TYRP1: variants seen among roughly 807,000 people sequenced by gnomAD.
TYRP1 encodes tyrosinase related protein 1.
Under a neutral mutation model 42.8 loss-of-function variants are expected in TYRP1, and 49 were observed. That is an observed-to-expected ratio of 1.14 (90% confidence interval 0.91 to 1.45). The LOEUF (loss-of-function observed/expected upper bound fraction) is 1.45. Ranked by LOEUF, TYRP1 falls within the 40% of genes most tolerant of loss-of-function variation. TYRP1 has a pLI of 0.00. For missense variants in TYRP1, 848 were observed against 662.0 expected, an observed-to-expected ratio of 1.28 and a Z score of -3.08; for synonymous variants, 279 against 235.4, an observed-to-expected ratio of 1.19 and a Z score of -1.69.
At position 12,694,292 on chromosome 9, in the gene TYRP1, G is replaced by A. The variant is rs758453301; in HGVS notation, c.296G>A (p.Cys99Tyr). 4 of 1,613,890 alleles carry A rather than the reference G, an allele frequency of 2.5e-6. No homozygotes were observed. Among genetic ancestry groups the A allele is most frequent in the African/African-American group, 1.3e-5 (1 of 74,928 alleles). The change falls in exon 2 of 8, where the codon TGT becomes TAT. Residue 99 changes from cysteine (C) to tyrosine (Y), a missense_variant. By Grantham distance (194) the Cys-to-Tyr change is radical (BLOSUM62 -2). Coordinates refer to ENST00000388918, the MANE Select transcript of TYRP1 (RefSeq NM_000550.3). ...CCCTTGCGCTTCTTCAATAGGACAT[G>A]TCACTGCAACGGCAATTTCTCAGGA... is the stretch of plus-strand genomic sequence containing the variant. ...VWPLRFFNRT[C>Y]HCNGNFSGHN...
chr9:12,710,265 CAG>C lies in TYRP1; in HGVS notation c.*1084_*1085del, dbSNP rs1176843398. 3 of 132,992 alleles carry C rather than the reference CAG, an allele frequency of 2.3e-5. No individual in the cohort carries two copies. Among genetic ancestry groups the C allele is most frequent in the Non-Finnish European group, 3.5e-5 (2 of 56,656 alleles). The allele number at this position is 132,992 out of a possible 1,614,324, so 8.2% of individuals were successfully genotyped here. A position where few individuals can be genotyped will look rare whatever the true frequency, so the allele number is the denominator to read the frequency against. On this transcript the variant is annotated 3_prime_UTR_variant, in exon 8 of 8. Coordinates refer to ENST00000388918, the MANE Select transcript of TYRP1 (RefSeq NM_000550.3). ...TAAAATTGGTAAAAATAAATAATAA[CAG>C]TAATAATCATGCACTATAGAAAATG...
At position 12,694,007 on chromosome 9, in the gene TYRP1, C is replaced by T. The variant is rs1347421158; in HGVS notation, c.11C>T (p.Pro4Leu). 3 of 1,613,816 alleles carry T rather than the reference C, an allele frequency of 1.9e-6. No individual in the cohort carries two copies. In the Admixed American group the frequency reaches 5.0e-5, roughly 27 times the overall value. MSA[P>L]KLLSLGCIFF... Reference sequence around the variant, plus strand: ...CTTATTTCAAGCAGAATGAGTGCTCCTAAACTCCTCTCTCTGGGCTGTATC... The same window carrying T: ...CTTATTTCAAGCAGAATGAGTGCTCTTAAACTCCTCTCTCTGGGCTGTATC... The change falls in exon 2 of 8, where the codon CCT becomes CTT. Residue 4 changes from proline (P) to leucine (L), a missense_variant. Physicochemically the swap from Pro to Leu is moderately conservative, Grantham distance 98. Coordinates refer to ENST00000388918, the MANE Select transcript of TYRP1 (RefSeq NM_000550.3).
rs141834891 is a variant in TYRP1, at chr9:12,694,063, C to T, written c.67C>T (p.Arg23Trp). The change falls in exon 2 of 8, where the codon CGG becomes TGG. Residue 23 changes from arginine to tryptophan, a missense_variant. By Grantham distance (101) the Arg-to-Trp change is moderately radical. Transcript: ENST00000388918. ...CCCCTTGCTACTTTTTCAGCAGGCC[C>T]GGGCTCAATTCCCAAGACAGTGTGC... ...FFPLLLFQQA[R>W]AQFPRQCATV... The T allele has an allele frequency of 7.6e-4, 1,230 of 1,613,952 alleles. 1 individual carries two copies. The highest frequency in any genetic ancestry group is 8.4e-4 in the Non-Finnish European group (992 of 1,180,002).
intron 5 of TYRP1, 89 bp from the exon 6 acceptor site, chr9:12,704,437 A>C: frequency 6.8e-7 from 1 of 1,471,952 alleles, no homozygotes; most frequent in South Asian, 1.2e-5. Flanking sequence ...GCCTTGAAAA[A>C]ATTGTTTCCC....
At chr9:12,698,740 C>A in intron 4 of TYRP1, 85 bp downstream of exon 4, 1 of 1,272,112 alleles carries the variant, frequency 7.9e-7, no homozygotes, top group Non-Finnish European at 1.1e-6. Flanking sequence ...CTTCATTCTA[C>A]TAGAGAATTC....
chr9:12,694,013 T>G lies in TYRP1; in HGVS notation c.17T>G (p.Leu6Arg). 6.2e-7 allele frequency: 1 copy of G among 1,613,974 alleles called. No individual in the cohort carries two copies. The highest frequency in any genetic ancestry group is 8.5e-7 in the Non-Finnish European group (1 of 1,179,990). The part of the protein sequence containing the change: MSAPK[L>R]LSLGCIFFPL... ...TCAAGCAGAATGAGTGCTCCTAAAC[T>G]CCTCTCTCTGGGCTGTATCTTCTTC... Residue 6 changes from leucine (L) to arginine (R), a missense_variant, in exon 2 of 8, where the codon CTC becomes CGC. Leu to Arg is a moderately radical substitution (Grantham distance 102, BLOSUM62 -2). Transcript: ENST00000388918.
chr9:12,704,762 A>ATAGT lies in TYRP1; in HGVS notation c.1261+60_1261+63dup. 7.8e-6 allele frequency: 12 copies of ATAGT among 1,542,948 alleles called. No individual in the cohort carries two copies. In the South Asian group the frequency reaches 1.1e-4, roughly 14 times the overall value. On this transcript the variant is annotated intron_variant, in intron 6 of 7. Transcript: ENST00000388918. ...CAGCTGGGCGGATTGTTTAGATGGC[A>ATAGT]TAGTTATCAGTTCAAGCTGAGCACT... is the stretch of plus-strand genomic sequence containing the variant.
chr9:12,695,724 ACT>A lies in TYRP1; in HGVS notation c.596_597del (p.Thr199IlefsTer11). ...VWTHYYSVKK[T>X]FLGVGQESFG... ...GACACACTATTACTCAGTCAAAAAG[ACT>A]TTCCTTGGGGTAGGACAGGAAAGCT... On this transcript the variant is annotated frameshift_variant, in exon 3 of 8. Coordinates refer to ENST00000388918, the MANE Select transcript of TYRP1 (RefSeq NM_000550.3). LOFTEE classifies it high-confidence loss of function. 1 of 1,614,164 alleles carries A rather than the reference ACT, an allele frequency of 6.2e-7. No homozygotes were observed.
intron 3 of TYRP1, among the ~76,000 whole-genome samples, chr9:12,698,250 A>G (rs369184101): frequency 1.6e-4 from 25 of 152,262 alleles, no homozygotes; most frequent in African/African-American, 5.3e-4. Context: ...TCTAATGCCT[A>G]AATGACACCT....
intron 4 of TYRP1, chr9:12,700,444 C>CCAT (rs1340882698): frequency 1.3e-5 from 2 of 152,016 alleles, no homozygotes; most frequent in Admixed American, 6.6e-5. Flanking sequence ...CACCAAAATA[C>CCAT]CATCTTTGAA....
chr9:12,701,533 A>G (rs1364588183), intron 4 of TYRP1: 1 of 151,814 alleles, frequency 6.6e-6, no homozygotes, highest in African/African-American at 2.4e-5. Flanking sequence ...TGTAAAATTT[A>G]TTTCACCTAA....
chr9:12,693,910 A>C lies in TYRP1; in HGVS notation c.-85-2A>C. The C allele has an allele frequency of 6.4e-7, 1 of 1,568,504 alleles. No homozygotes were observed. The highest frequency in any genetic ancestry group is 8.7e-7 in the Non-Finnish European group (1 of 1,151,556). ...AATCTCATTTTACTTTCTCTTTTTC[A>C]GCTGGATTTTCCTCTACGTGCTTCA... On this transcript the variant is annotated splice_acceptor_variant, in intron 1 of 7. Transcript: ENST00000388918. LOFTEE classifies it low-confidence loss of function (5UTR_SPLICE).
rs775711819 is a variant in TYRP1, at chr9:12,709,209, G to A, written c.*27G>A. ...AAATGCCCTACTCTCTTATGCATTA[G>A]TATCACAAAACCACCTGGTTGAATA... On this transcript the variant is annotated 3_prime_UTR_variant, in exon 8 of 8. Transcript: ENST00000388918. The A allele has an allele frequency of 6.2e-7, 1 of 1,603,332 alleles. No homozygotes were observed. The highest frequency in any genetic ancestry group is 1.1e-5 in the South Asian group (1 of 90,842).
rs1311417242 is a variant in TYRP1, at chr9:12,709,262, T to C, written c.*80T>C. 4 of 1,366,014 alleles carry C rather than the reference T, an allele frequency of 2.9e-6. No homozygotes were observed. The highest frequency in any genetic ancestry group is 4.2e-6 in the Non-Finnish European group (4 of 961,346). 84.6% of individuals were successfully genotyped at this position (1,366,014 alleles called of 1,614,324 possible). ...ATAGATTGAGTTATTAACTGTATTT[T>C]CTTTCACTTTATTACCTTCTTTCTA... On this transcript the variant is annotated 3_prime_UTR_variant, in exon 8 of 8. Coordinates refer to ENST00000388918, the MANE Select transcript of TYRP1 (RefSeq NM_000550.3).
Position 12,693,913 on chromosome 9 carries a change from T to A in TYRP1, c.-84T>A. The A allele has an allele frequency of 6.3e-7, 1 of 1,576,740 alleles. No individual in the cohort carries two copies. The highest frequency in any genetic ancestry group is 8.6e-7 in the Non-Finnish European group (1 of 1,157,442). ...CTCATTTTACTTTCTCTTTTTCAGC[T>A]GGATTTTCCTCTACGTGCTTCAGTC... On this transcript the variant is annotated splice_region_variant and 5_prime_UTR_variant, in exon 2 of 8. Coordinates refer to ENST00000388918, the MANE Select transcript of TYRP1 (RefSeq NM_000550.3).
chr9:12,702,410 TAC>T lies in TYRP1; in HGVS notation c.1055_1056del (p.Thr352LysfsTer12). The T allele has an allele frequency of 6.2e-7, 1 of 1,612,976 alleles. No individual in the cohort carries two copies. The highest frequency in any genetic ancestry group is 8.5e-7 in the Non-Finnish European group (1 of 1,179,328). Reference protein sequence around the residue: ...FDTPPFYSNSTNSFRNTVEGY... With the variant: ...FDTPPFYSNSXNSFRNTVEGY... ...ACACGCCTCCTTTTTATTCCAACTC[TAC>T]AAACAGTTTCCGAAACACAGTGGAA... On this transcript the variant is annotated frameshift_variant, in exon 5 of 8. Coordinates refer to ENST00000388918, the MANE Select transcript of TYRP1 (RefSeq NM_000550.3). LOFTEE classifies it high-confidence loss of function.
In TYRP1 at chr9:12,701,750, A is replaced by T. The variant is rs576660759; in HGVS notation, c.914-521A>T. Reference sequence around the variant, plus strand: ...CCTTCACAAAGTTTCATTATTTCTCACATTAATTGCTGAAAAAGTTGAAAA... The same window carrying T: ...CCTTCACAAAGTTTCATTATTTCTCTCATTAATTGCTGAAAAAGTTGAAAA... On this transcript the variant is annotated intron_variant, in intron 4 of 7. Coordinates refer to ENST00000388918, the MANE Select transcript of TYRP1 (RefSeq NM_000550.3). 1.3e-3 allele frequency: 207 copies of T among 154,322 alleles called. 5 individuals carry two copies. In the South Asian group the frequency reaches 0.039, roughly 29 times the overall value. The allele number at this position is 154,322 out of a possible 1,614,324, so 9.6% of individuals were successfully genotyped here. A position where few individuals can be genotyped will look rare whatever the true frequency, so the allele number is the denominator to read the frequency against.
chr9:12,701,604 T>G (rs1451694427), intron 4 of TYRP1: 3 of 152,008 alleles, frequency 2.0e-5, no homozygotes, highest in Non-Finnish European at 4.4e-5. Flanking sequence ...AAAGCCTTTC[T>G]GGAGATCTGA....
chr9:12,699,723 A>C (rs1003360614), intron 4 of TYRP1, among the ~76,000 whole-genome samples: 2 of 152,052 alleles, frequency 1.3e-5, no homozygotes, highest in African/African-American at 4.8e-5. Context: ...GCATGATCCC[A>C]CCTTGTGGCA....
Sources: gnomAD v4.1 joint callset for allele counts (sites outside exome capture counted in the v4.1 genomes callset) on GRCh38, gnomAD v4.1.1 for gene constraint, MANE v1.5 for transcripts, NCBI Gene and HGNC (gene_info 2026-07-23, HGNC 2026-07-21) for gene names.